The following THSD7B variants were observed in gnomAD, a reference collection of about 807,000 sequenced individuals.
THSD7B encodes the protein thrombospondin type 1 domain containing 7B.
THSD7B carries 138 observed loss-of-function variants against 213.6 expected under a neutral mutation model. That is an observed-to-expected ratio of 0.65 (90% confidence interval 0.56 to 0.74). The LOEUF is 0.74. THSD7B is among the 30% of genes least tolerant of loss of function. THSD7B has a pLI of 0.00. For synonymous variants in THSD7B, 742 were observed against 687.0 expected (o/e 1.08, Z -1.25); for missense variants, 1,931 against 1,991.5 (o/e 0.97, Z 0.58).
At chr2:137,311,489 C>A (rs945566487) in intron 12 of THSD7B, among the ~76,000 whole-genome samples, 1 of 152,048 alleles carries the variant, frequency 6.6e-6, no homozygotes, top group Non-Finnish European at 1.5e-5. Flanking sequence ...TAATTGAATA[C>A]CCTTTATTTC....
intron 15 of THSD7B, among the ~76,000 whole-genome samples, chr2:137,526,616 G>A (rs1472042280): frequency 6.6e-6 from 1 of 152,040 alleles, no homozygotes; most frequent in Non-Finnish European, 1.5e-5. Flanking sequence ...TAGAGACAGG[G>A]TTTTGCCATG....
At chr2:137,276,143 T>A in intron 12 of THSD7B, 117 bp downstream of exon 12, 1 of 748,572 alleles carries the variant, frequency 1.3e-6, no homozygotes, top group African/African-American at 1.8e-5. Context: ...CTTGAATTAT[T>A]CATATTTATT....
At chr2:137,595,984 A>T (rs769783382) in intron 17 of THSD7B, among the ~76,000 whole-genome samples, 12 of 151,962 alleles carry the variant, frequency 7.9e-5, no homozygotes, top group Non-Finnish European at 1.8e-4. Context: ...CTTAGTGAAG[A>T]AAAAACCCCA....
chr2:136,856,433 A>T (rs1172437258), intron 1 of THSD7B, among the ~76,000 whole-genome samples: 1 of 152,106 alleles, frequency 6.6e-6, no homozygotes, highest in Non-Finnish European at 1.5e-5. Flanking sequence ...AATGACTTTT[A>T]ATGTCACTAC....
chr2:137,531,668 G>A lies in THSD7B; in HGVS notation c.3139-31553G>A, dbSNP rs76763397. ...TACACCTGCAGTTAGCTAATTTCAG[G>A]TGCTATGATTTCTGCATACAAATTT... On this transcript the variant is annotated intron_variant, in intron 15 of 27. Transcript: ENST00000409968. 4.3e-3 allele frequency among the ~76,000 whole-genome samples: 652 copies of A among 152,038 alleles called. 16 individuals carry two copies. The highest frequency in any genetic ancestry group is 0.033 in the Admixed American group (503 of 15,244).
intron 1 of THSD7B, among the ~76,000 whole-genome samples, chr2:136,776,199 C>T (rs1012531232): frequency 6.6e-6 from 1 of 152,080 alleles, no homozygotes; most frequent in African/African-American, 2.4e-5. Context: ...AGGAATTGGG[C>T]TCCCTGTCTA....
chr2:136,924,825 A>C (rs534116151), intron 2 of THSD7B, among the ~76,000 whole-genome samples: 36 of 152,138 alleles, frequency 2.4e-4, no homozygotes, highest in African/African-American at 8.2e-4. Flanking sequence ...CTTTCCATTT[A>C]TGTCTCTTCT....
At chr2:136,802,639 T>TCATA (rs1682205694) in intron 1 of THSD7B, among the ~76,000 whole-genome samples, 4 of 57,362 alleles carry the variant, frequency 7.0e-5, no homozygotes, top group Admixed American at 4.8e-4. Flanking sequence ...TGAATTAAGT[T>TCATA]TATATATATA....
At chr2:137,490,438 T>G (rs2105121168) in intron 15 of THSD7B, among the ~76,000 whole-genome samples, 1 of 152,322 alleles carries the variant, frequency 6.6e-6, no homozygotes, top group Non-Finnish European at 1.5e-5. Context: ...AGTTACTTTT[T>G]TCTTTTTTTA....
intron 2 of THSD7B, among the ~76,000 whole-genome samples, chr2:137,022,114 C>T (rs1405137017): frequency 6.6e-6 from 1 of 151,934 alleles, no homozygotes; most frequent in African/African-American, 2.4e-5. Context: ...TGTTTTTTTC[C>T]AGTTTGGGGC....
chr2:137,326,413 C>T (rs1220268175), intron 12 of THSD7B, among the ~76,000 whole-genome samples: 2 of 152,064 alleles, frequency 1.3e-5, no homozygotes, highest in Non-Finnish European at 2.9e-5. Flanking sequence ...GTTCTTAAGC[C>T]CCCCACACAT....
At chr2:137,115,000 C>T in intron 4 of THSD7B, 124 bp from the exon 5 acceptor site, 2 of 1,015,554 alleles carry the variant, frequency 2.0e-6, no homozygotes, top group East Asian at 5.2e-5. Flanking sequence ...CTTCTTTATC[C>T]ACAGGCAAAG....
At chr2:137,032,856 T>C (rs1204241277) in intron 2 of THSD7B, among the ~76,000 whole-genome samples, 1 of 152,228 alleles carries the variant, frequency 6.6e-6, no homozygotes, top group Non-Finnish European at 1.5e-5. Context: ...TCATGTCTAG[T>C]AAAATTAAGA....
At chr2:137,613,943 A>G (rs1332532897) in intron 17 of THSD7B, among the ~76,000 whole-genome samples, 3 of 152,168 alleles carry the variant, frequency 2.0e-5, no homozygotes, top group Non-Finnish European at 4.4e-5. Flanking sequence ...TTAGAAAGAA[A>G]TAAGGAGAAA....
chr2:137,558,817 A>G (rs1428551864), intron 15 of THSD7B, among the ~76,000 whole-genome samples: 1 of 152,178 alleles, frequency 6.6e-6, no homozygotes, highest in Non-Finnish European at 1.5e-5. Context: ...AGAAAATCCC[A>G]TCATCTCAGC....
intron 7 of THSD7B, among the ~76,000 whole-genome samples, chr2:137,184,584 T>C (rs1340102938): frequency 6.6e-6 from 1 of 152,176 alleles, no homozygotes; most frequent in African/African-American, 2.4e-5. Flanking sequence ...ACTTATGCAA[T>C]CTAGGGGAAT....
intron 12 of THSD7B, among the ~76,000 whole-genome samples, chr2:137,285,086 G>A (rs961328602): frequency 6.6e-6 from 1 of 152,114 alleles, no homozygotes; most frequent in African/African-American, 2.4e-5. Flanking sequence ...GGGTGCTCCC[G>A]TATTGGGTGC....
At chr2:137,579,639 C>T (rs1264154569) in intron 17 of THSD7B, among the ~76,000 whole-genome samples, 2 of 152,116 alleles carry the variant, frequency 1.3e-5, no homozygotes, top group Non-Finnish European at 2.9e-5. Flanking sequence ...TAGTTTTGAA[C>T]ACTACTTTTA....
chr2:137,206,787 G>A (rs4954482), intron 7 of THSD7B, among the ~76,000 whole-genome samples: 42,845 of 152,036 alleles, frequency 0.28, 6,882 homozygotes, highest in East Asian at 0.48. Context: ...CAGACGCATC[G>A]TTTGCTGAAG....
Sources: allele counts gnomAD v4.1 joint callset (sites outside exome capture counted in the v4.1 genomes callset), GRCh38; gene constraint gnomAD v4.1.1; transcripts MANE v1.5; gene names NCBI Gene and HGNC (gene_info 2026-07-23, HGNC 2026-07-21).